The following RIMS3 variants were observed in gnomAD, a reference collection of about 807,000 sequenced individuals.
RIMS3 encodes the protein regulating synaptic membrane exocytosis protein 3.
In RIMS3, 15 loss-of-function variants were observed where a neutral mutation model predicts 29.2. The ratio of observed to expected loss-of-function variants is 0.51; its 90% CI spans 0.34 to 0.79. The LOEUF (loss-of-function observed/expected upper bound fraction) is 0.79, where lower values mean the gene tolerates loss of function less well. Ranked by LOEUF, RIMS3 falls within the 30% of genes least tolerant of loss-of-function variation. The probability of loss-of-function intolerance (pLI) is 0.01; values close to 1 mark genes in which losing one functional copy is unlikely to be tolerated. For synonymous variants in RIMS3, 161 were observed against 170.1 expected (o/e 0.95, Z 0.41); for missense variants, 342 against 421.4 (o/e 0.81, Z 1.65).
At chr1:40,675,666 G>A in the RIMS3 span, among the ~76,000 whole-genome samples, 15 of 150,874 alleles carry the variant, frequency 9.9e-5, no homozygotes, top group Non-Finnish European at 1.6e-4. Context: ...GCTGAGGCAG[G>A]AGAATCACTT....
chr1:40,691,505 C>G, the RIMS3 span: 1 of 306,034 alleles, frequency 3.3e-6, no homozygotes, highest in South Asian at 2.3e-5. Flanking sequence ...TCCGGATCCC[C>G]CGAAAGGGGG....
At chr1:40,633,882 C>T (rs1646504593) in intron 4 of RIMS3, among the ~76,000 whole-genome samples, 1 of 152,156 alleles carries the variant, frequency 6.6e-6, no homozygotes, top group African/African-American at 2.4e-5. Flanking sequence ...ACAGAGGCTC[C>T]AAAAGGTAAA....
At chr1:40,656,676 G>A (rs1300748504) in intron 1 of RIMS3, among the ~76,000 whole-genome samples, 4 of 151,894 alleles carry the variant, frequency 2.6e-5, no homozygotes, top group African/African-American at 4.8e-5. Flanking sequence ...CCAGCTACTC[G>A]GGAAGCTGTG....
rs77534752 is a variant in RIMS3 at position 40,651,050 on chromosome 1, C to A, written c.-206-3208G>T. 3.7e-3 allele frequency among the ~76,000 whole-genome samples: 559 copies of A among 152,172 alleles called. 27 individuals carry two copies. In the East Asian group the frequency reaches 0.098, roughly 27 times the overall value. On this transcript the variant is annotated intron_variant, in intron 1 of 7. Coordinates refer to ENST00000372684, the MANE Select transcript of RIMS3 (RefSeq NM_014747.3). ...TTTGAAGGTCATTTCCTAGGACAGT[C>A]TTCCCAGATAAGGTTAATCCCCATA...
chr1:40,664,699 T>G (rs1009805729), intron 1 of RIMS3, among the ~76,000 whole-genome samples: 1 of 151,922 alleles, frequency 6.6e-6, no homozygotes, highest in Non-Finnish European at 1.5e-5. Context: ...AGAAACCCAC[T>G]CCTCAGGGCT....
At chr1:40,666,598 C>A (rs1313193429), upstream of RIMS3, among the ~76,000 whole-genome samples, 1 of 152,188 alleles carries the variant, frequency 6.6e-6, no homozygotes, top group Non-Finnish European at 1.5e-5. Context: ...GTATATTTAA[C>A]CTTGCTTAGG....
chr1:40,624,330 T>G lies in RIMS3; in HGVS notation c.*2187A>C, dbSNP rs1388359993. ...TTCGCAACACCCTGACAGTGACTGCTCTAGAGGTGAATATATCATAAACAG... is the reference window on the plus strand; with the variant it reads ...TTCGCAACACCCTGACAGTGACTGCGCTAGAGGTGAATATATCATAAACAG... On this transcript the variant is annotated 3_prime_UTR_variant, in exon 8 of 8. Transcript: ENST00000372684. The G allele has an allele frequency of 6.6e-6, 1 of 152,260 alleles. No individual in the cohort carries two copies. The highest frequency in any genetic ancestry group is 2.4e-5 in the African/African-American group (1 of 41,448). The allele number at this position is 152,260 out of a possible 1,614,324, so 9.4% of individuals were successfully genotyped here. A position where few individuals can be genotyped will look rare whatever the true frequency, so the allele number is the denominator to read the frequency against.
chr1:40,644,672 TG>T (rs746202709), intron 2 of RIMS3, among the ~76,000 whole-genome samples: 25 of 152,202 alleles, frequency 1.6e-4, no homozygotes, highest in Non-Finnish European at 2.6e-4. Flanking sequence ...CTCCACAGTT[TG>T]GCTGCAAAGT....
chr1:40,636,320 G>A lies in RIMS3; in HGVS notation c.218-263C>T, dbSNP rs1373063303. 1.3e-5 allele frequency among the ~76,000 whole-genome samples: 2 copies of A among 152,158 alleles called. No individual in the cohort carries two copies. Among genetic ancestry groups the A allele is most frequent in the East Asian group, 1.9e-4 (1 of 5,192 alleles). ...GGCAGAGTCATGATGGCGCCACCAC[G>A]CAGAGCCGCAGATCCGCAGCTGGGG... On this transcript the variant is annotated intron_variant, in intron 3 of 7. Coordinates refer to ENST00000372684, the MANE Select transcript of RIMS3 (RefSeq NM_014747.3). The surrounding 1 kb of genome is among the most constrained non-coding windows in gnomAD (Gnocchi z 4.2).
At chr1:40,652,502 A>G (rs1452017729) in intron 1 of RIMS3, among the ~76,000 whole-genome samples, 2 of 152,216 alleles carry the variant, frequency 1.3e-5, no homozygotes, top group African/African-American at 4.8e-5. Context: ...CAGTAGTTGC[A>G]CCTCAAAAGA....
intron 4 of RIMS3, among the ~76,000 whole-genome samples, chr1:40,634,803 T>C (rs1646509455): frequency 6.6e-6 from 1 of 151,916 alleles, no homozygotes; most frequent in Non-Finnish European, 1.5e-5. Flanking sequence ...TAGCCAGGCG[T>C]GGTGGTGCAC....
chr1:40,681,108 A>T, the RIMS3 span, among the ~76,000 whole-genome samples: 1 of 152,130 alleles, frequency 6.6e-6, no homozygotes, highest in Non-Finnish European at 1.5e-5. Context: ...TATTTCATTT[A>T]CTCACTTGCT....
At chr1:40,645,641 C>T (rs1299500983) in intron 2 of RIMS3, among the ~76,000 whole-genome samples, 3 of 152,094 alleles carry the variant, frequency 2.0e-5, no homozygotes, top group Non-Finnish European at 4.4e-5. Flanking sequence ...AGTAGAAATC[C>T]CAACCGGACC....
rs1646597668 is a variant in RIMS3 at position 40,646,653 on chromosome 1, G to GC, written c.-32+1014dup. On this transcript the variant is annotated intron_variant, in intron 2 of 7. Coordinates refer to ENST00000372684, the MANE Select transcript of RIMS3 (RefSeq NM_014747.3). ...TCTATCCTCCAGGGAGACAGCTACT[G>GC]CCCCCACTCCTGCCAAAACTCCATG... is the stretch of plus-strand genomic sequence containing the variant. Among the ~76,000 whole-genome samples, 6 of 152,048 alleles carry GC rather than the reference G, an allele frequency of 3.9e-5. No individual in the cohort carries two copies. The South Asian group carries it at 8.3e-4, about 21-fold the overall frequency.
rs1238978304 is a variant in RIMS3, at chr1:40,636,796, G to A, written c.218-739C>T. On this transcript the variant is annotated intron_variant, in intron 3 of 7. Coordinates refer to ENST00000372684, the MANE Select transcript of RIMS3 (RefSeq NM_014747.3). The surrounding 1 kb of genome is among the most constrained non-coding windows in gnomAD (Gnocchi z 4.2). ...CCGTGCCTCCTGTTCAGAGGCCCTCGACCCCCATATCCTGGCCTCCCCCTC... is the reference window on the plus strand; with the variant it reads ...CCGTGCCTCCTGTTCAGAGGCCCTCAACCCCCATATCCTGGCCTCCCCCTC... Among the ~76,000 whole-genome samples the A allele has an allele frequency of 6.6e-6, 1 of 152,136 alleles. No homozygotes were observed. Among genetic ancestry groups the A allele is most frequent in the South Asian group, 2.1e-4 (1 of 4,824 alleles).
rs768608314 is a variant in RIMS3 at position 40,633,067 on chromosome 1, A to AC, written c.472+1dup. ...ACTCAACCTGCCCTTAATAAGACTC[A>AC]CCCATGGGTGGTGTTGCCAGTGTCT... is the stretch of plus-strand genomic sequence containing the variant. On this transcript the variant is annotated splice_donor_variant, in intron 5 of 7. Transcript: ENST00000372684. LOFTEE classifies it high-confidence loss of function. 7 of 1,613,286 alleles carry AC rather than the reference A, an allele frequency of 4.3e-6. No homozygotes were observed. Among genetic ancestry groups the AC allele is most frequent in the Non-Finnish European group, 5.9e-6 (7 of 1,179,280 alleles).
chr1:40,641,710 A>C lies in RIMS3; in HGVS notation c.216T>G (p.Pro72=). 3 of 1,613,752 alleles carry C rather than the reference A, an allele frequency of 1.9e-6. No individual in the cohort carries two copies. The highest frequency in any genetic ancestry group is 2.5e-6 in the Non-Finnish European group (3 of 1,179,704). The stretch of plus-strand genomic sequence containing the variant: ...CCGTGATGTCCCATGCCCCCTCACC[A>C]GGCTGCGGAAGCTGGAGTGTGCTCT... The part of the protein sequence containing the change: ...WSKSTLQLPQ[P]EGATKKLRSN... The change falls in exon 3 of 8, where the codon CCT becomes CCG. Residue 72 remains proline, a splice_region_variant and synonymous_variant. Transcript: ENST00000372684.
intron 1 of RIMS3, among the ~76,000 whole-genome samples, chr1:40,651,575 C>T (rs976379852): frequency 1.3e-5 from 2 of 152,200 alleles, no homozygotes; most frequent in African/African-American, 4.8e-5. Context: ...CTAACTTGTT[C>T]CGTACTTGTC....
At chr1:40,671,246 G>T in the RIMS3 span, among the ~76,000 whole-genome samples, 4 of 152,260 alleles carry the variant, frequency 2.6e-5, no homozygotes, top group South Asian at 4.1e-4. Context: ...CTAGGCCTTG[G>T]GGGGGATGCT....
Sources: allele counts gnomAD v4.1 joint callset (sites outside exome capture counted in the v4.1 genomes callset), GRCh38; gene constraint gnomAD v4.1.1; non-coding constraint Gnocchi (gnomAD v3.1); transcripts MANE v1.5; gene names NCBI Gene and HGNC (gene_info 2026-07-23, HGNC 2026-07-21).